Variants in ADGRL2 observed in about 807,000 individuals in gnomAD.
ADGRL2 encodes adhesion G protein-coupled receptor L2, also known as calcium-independent alpha-latrotoxin receptor 2.
A neutral mutation model predicts 157.4 loss-of-function variants in ADGRL2; 44 were observed. The observed-to-expected ratio is 0.28, with a 90% CI of 0.22 to 0.36. The LOEUF is 0.36. ADGRL2 is among the 10% of genes least tolerant of loss of function. The probability of loss-of-function intolerance (pLI) is 1.00; values close to 1 mark genes in which losing one functional copy is unlikely to be tolerated. For synonymous variants in ADGRL2, 585 were observed against 624.7 expected (o/e 0.94, Z 0.95); for missense variants, 1,510 against 1,768.9 (o/e 0.85, Z 2.63).
rs1255445047 is a variant in ADGRL2 at position 81,712,915 on chromosome 1, C to T, written c.-143+13107C>T. ...GTAGCTGGACTGCAGGCATGCACCA[C>T]CACGCCCAGCTAATTTTTTGTAAAT... is the stretch of plus-strand genomic sequence containing the variant. On this transcript the variant is annotated intron_variant, in intron 1 of 20. Coordinates refer to the ADGRL2 transcript ENST00000359929. 4.0e-5 allele frequency among the ~76,000 whole-genome samples: 6 copies of T among 151,896 alleles called. No individual in the cohort carries two copies. The East Asian group carries it at 1.2e-3, about 30-fold the overall frequency.
chr1:81,890,502 TG>T (rs1160303017), intron 2 of ADGRL2, among the ~76,000 whole-genome samples: 1 of 152,086 alleles, frequency 6.6e-6, no homozygotes, highest in African/African-American at 2.4e-5. Context: ...TGGGAGATAC[TG>T]GGAAGAAACT....
chr1:81,425,858 C>T (rs1490086250), intron 1 of ADGRL2, among the ~76,000 whole-genome samples: 1 of 123,956 alleles, frequency 8.1e-6, no homozygotes, highest in Non-Finnish European at 1.8e-5. Flanking sequence ...AAAGAAAATA[C>T]AAATTTATTT....
chr1:81,536,100 C>T (rs2079731040), intron 2 of ADGRL2, among the ~76,000 whole-genome samples: 2 of 152,184 alleles, frequency 1.3e-5, no homozygotes, highest in Non-Finnish European at 2.9e-5. Context: ...AAATTGCTAT[C>T]TTTACTGTTC....
At chr1:81,344,742 T>G (rs1174947429) in intron 1 of ADGRL2, among the ~76,000 whole-genome samples, 1 of 148,410 alleles carries the variant, frequency 6.7e-6, no homozygotes, top group Non-Finnish European at 1.5e-5. Flanking sequence ...ATCAGTAACA[T>G]AAAAAATCAA....
rs1375836594 is a variant in ADGRL2, at chr1:81,993,085, ATATTTTTTTTTTT to A, written c.*1942_*1954del. On this transcript the variant is annotated 3_prime_UTR_variant, in exon 24 of 24. Coordinates refer to ENST00000686636, the MANE Select transcript of ADGRL2 (RefSeq NM_001366006.2). Reference sequence around the variant, plus strand: ...TATATATATATATATATATATATATATATTTTTTTTTTTTTTTTTTTTTTTTTTTTTTTTGGGA... The same window carrying A: ...TATATATATATATATATATATATATATTTTTTTTTTTTTTTTTTTTTGGGA... Among the ~76,000 whole-genome samples, 8 of 32,098 alleles carry A rather than the reference ATATTTTTTTTTTT, an allele frequency of 2.5e-4. No homozygotes were observed. The highest frequency in any genetic ancestry group is 5.9e-4 in the Admixed American group (1 of 1,696). 21.1% of individuals were successfully genotyped at this position (32,098 alleles called of 152,430 possible). A position where few individuals can be genotyped will look rare whatever the true frequency, so the allele number is the denominator to read the frequency against.
chr1:81,399,156 G>A (rs1462828642), intron 1 of ADGRL2, among the ~76,000 whole-genome samples: 2 of 152,128 alleles, frequency 1.3e-5, no homozygotes, highest in Non-Finnish European at 2.9e-5. Context: ...TGGAGGAAGT[G>A]ACACACACTT....
chr1:81,616,197 G>C (rs975332573), intron 3 of ADGRL2, among the ~76,000 whole-genome samples: 1 of 152,124 alleles, frequency 6.6e-6, no homozygotes, highest in African/African-American at 2.4e-5. Context: ...AAGCCATACC[G>C]TGACAATTCT....
chr1:81,608,430 T>A (rs562577391), intron 3 of ADGRL2, among the ~76,000 whole-genome samples: 1 of 152,322 alleles, frequency 6.6e-6, no homozygotes, highest in South Asian at 2.1e-4. Context: ...TATACTTTGC[T>A]AAAGTCTTTA....
At chr1:81,836,828 A>G (rs1022107450) in intron 1 of ADGRL2, 57 bp from the exon 2 acceptor site, 1 of 498,558 alleles carries the variant, frequency 2.0e-6, no homozygotes. Flanking sequence ...GAGAGAGAGA[A>G]TTGTTTTGTT....
In ADGRL2 at chr1:81,619,704, G is replaced by T. The variant is rs930744749; in HGVS notation, c.-143+38724G>T. On this transcript the variant is annotated intron_variant, in intron 3 of 24. Coordinates refer to the ADGRL2 transcript ENST00000370721. ...AATTTGTATTATTTCTATAAATTAA[G>T]TCTGGTGCTAAAAGAGGGGTGTGTG... Among the ~76,000 whole-genome samples the T allele has an allele frequency of 2.0e-5, 3 of 149,882 alleles. No individual in the cohort carries two copies. In the South Asian group the frequency reaches 6.4e-4, roughly 32 times the overall value.
intron 10 of ADGRL2, among the ~76,000 whole-genome samples, chr1:81,953,230 C>T (rs1207761157): frequency 1.3e-5 from 2 of 152,092 alleles, no homozygotes; most frequent in Non-Finnish European, 2.9e-5. Flanking sequence ...TGCTGTTTTT[C>T]CATTCATCCA....
chr1:81,374,571 C>CA lies in ADGRL2; in HGVS notation c.-302+68068dup, dbSNP rs1188845228. 2.9e-4 allele frequency among the ~76,000 whole-genome samples: 7 copies of CA among 24,342 alleles called. No homozygotes were observed. The East Asian group carries it at 6.0e-3, about 21-fold the overall frequency. The allele number at this position is 24,342 out of a possible 152,430, so 16.0% of individuals were successfully genotyped here. ...TAAGCAACAGAGTGAGACTCCATCT[C>CA]AAAAAAGAAAAAAAAAACAAGTTGC... On this transcript the variant is annotated intron_variant, in intron 1 of 24. Transcript: ENST00000370721.
At chr1:81,477,077 T>G (rs574790438) in intron 2 of ADGRL2, among the ~76,000 whole-genome samples, 107 of 152,334 alleles carry the variant, frequency 7.0e-4, no homozygotes, top group African/African-American at 2.0e-3. Context: ...GTTCTGTTCC[T>G]CAGATTGGTT....
At chr1:81,371,550 C>T (rs1390838003) in intron 1 of ADGRL2, among the ~76,000 whole-genome samples, 1 of 152,140 alleles carries the variant, frequency 6.6e-6, no homozygotes, top group Non-Finnish European at 1.5e-5. Context: ...TTTGGCATAG[C>T]ATAGGACAAG....
intron 1 of ADGRL2, among the ~76,000 whole-genome samples, chr1:81,319,243 A>G (rs977915883): frequency 7.9e-5 from 12 of 152,090 alleles, no homozygotes; most frequent in Admixed American, 6.5e-4. Context: ...CACCGCGCCC[A>G]GCTTTATCCT....
rs572969528 is a variant in ADGRL2 at position 81,349,622 on chromosome 1, G to C, written c.-302+43113G>C. Among the ~76,000 whole-genome samples the C allele has an allele frequency of 5.7e-4, 44 of 76,622 alleles. No individual in the cohort carries two copies. The East Asian group carries it at 0.011, about 19-fold the overall frequency. 50.3% of individuals were successfully genotyped at this position (76,622 alleles called of 152,430 possible). ...AAAGATAGAGATGATAAAGACCTGT[G>C]TTGTGAGCTACACACACACACACAC... On this transcript the variant is annotated intron_variant, in intron 1 of 24. Transcript: ENST00000370721.
At chr1:81,725,567 T>C (rs541117390) in intron 1 of ADGRL2, among the ~76,000 whole-genome samples, 54 of 151,488 alleles carry the variant, frequency 3.6e-4, no homozygotes, top group Non-Finnish European at 6.8e-4. Context: ...AATAAATAAA[T>C]AAACTTGCAT....
At chr1:81,564,276 CAT>C (rs1203271100) in intron 2 of ADGRL2, among the ~76,000 whole-genome samples, 1 of 152,170 alleles carries the variant, frequency 6.6e-6, no homozygotes, top group African/African-American at 2.4e-5. Context: ...AGGGAACAAA[CAT>C]ATTATCTGTG....
chr1:81,380,382 A>G (rs2076323568), intron 1 of ADGRL2, among the ~76,000 whole-genome samples: 1 of 152,226 alleles, frequency 6.6e-6, no homozygotes, highest in South Asian at 2.1e-4. Flanking sequence ...TTATAAAGCC[A>G]AATTTATTCG....
Sources: gnomAD v4.1 joint callset for allele counts (sites outside exome capture counted in the v4.1 genomes callset) on GRCh38, gnomAD v4.1.1 for gene constraint, MANE v1.5 for transcripts, NCBI Gene and HGNC (gene_info 2026-07-23, HGNC 2026-07-21) for gene names.